The following ZFPM2 variants were observed in gnomAD, a reference collection of about 807,000 sequenced individuals.
ZFPM2 encodes zinc finger protein ZFPM2.
In ZFPM2, 20 loss-of-function variants were observed where a neutral mutation model predicts 98.6. That is an observed-to-expected ratio of 0.20 (90% CI 0.14 to 0.29). ZFPM2 has a LOEUF of 0.29. Among genes scored for constraint, ZFPM2 ranks in the 10% least tolerant of loss-of-function variants. The pLI, the probability that ZFPM2 is intolerant of heterozygous loss-of-function variation, is 1.00. For synonymous variants in ZFPM2, 518 were observed against 502.7 expected, an observed-to-expected ratio of 1.03 and a Z score of -0.41; for missense variants, 1,310 against 1,388.6, an observed-to-expected ratio of 0.94 and a Z score of 0.90.
chr8:105,337,242 T>TG (rs1270028927), intron 1 of ZFPM2, among the ~76,000 whole-genome samples: 1 of 151,684 alleles, frequency 6.6e-6, no homozygotes, highest in African/African-American at 2.4e-5. Flanking sequence ...AGTCAGAGAC[T>TG]GGGGGTGGGG....
chr8:105,672,663 T>A (rs1817617988), intron 5 of ZFPM2, among the ~76,000 whole-genome samples: 1 of 152,198 alleles, frequency 6.6e-6, no homozygotes, highest in Non-Finnish European at 1.5e-5. Context: ...CTTATTACAA[T>A]GGCTAGAATT....
chr8:105,393,372 T>G (rs149053950), intron 1 of ZFPM2, among the ~76,000 whole-genome samples: 2,289 of 112,840 alleles, frequency 0.02, 82 homozygotes, highest in African/African-American at 0.074. Flanking sequence ...CTTTCTTTCT[T>G]TCTTTCTTTC....
chr8:105,754,997 T>C (rs1454926590), intron 5 of ZFPM2, among the ~76,000 whole-genome samples: 3 of 151,828 alleles, frequency 2.0e-5, no homozygotes, highest in East Asian at 3.9e-4. Flanking sequence ...CGTGCGCATG[T>C]GCGCATGCGT....
At position 105,402,435 on chromosome 8, in the gene ZFPM2, T is replaced by C. The variant is rs117992835; in HGVS notation, c.41-16709T>C. ...TGTGGAAGACAGGAATCCTATTCAA[T>C]GGTATCTGAAAATATTGCCCAATTG... On this transcript the variant is annotated intron_variant, in intron 1 of 7. Coordinates refer to ENST00000407775, the MANE Select transcript of ZFPM2 (RefSeq NM_012082.4). 7.2e-5 allele frequency among the ~76,000 whole-genome samples: 11 copies of C among 152,146 alleles called. No individual in the cohort carries two copies. In the East Asian group the frequency reaches 2.1e-3, roughly 29 times the overall value.
intron 1 of ZFPM2, among the ~76,000 whole-genome samples, chr8:105,366,605 G>C (rs569782289): frequency 5.9e-5 from 9 of 151,400 alleles, no homozygotes; most frequent in African/African-American, 2.2e-4. Context: ...TGCCATGCTG[G>C]TGCGCTGCAC....
intron 5 of ZFPM2, among the ~76,000 whole-genome samples, chr8:105,729,749 C>A (rs1811888696): frequency 2.0e-5 from 3 of 151,580 alleles, no homozygotes; most frequent in African/African-American, 4.8e-5. Flanking sequence ...TATTAGGCAA[C>A]CTCATTTCCT....
chr8:105,713,343 A>G lies in ZFPM2; in HGVS notation c.533-75375A>G, dbSNP rs1387594771. Among the ~76,000 whole-genome samples the G allele has an allele frequency of 3.3e-5, 5 of 151,976 alleles. No individual in the cohort carries two copies. The East Asian group carries it at 7.7e-4, about 23-fold the overall frequency. On this transcript the variant is annotated intron_variant, in intron 5 of 7. Coordinates refer to ENST00000407775, the MANE Select transcript of ZFPM2 (RefSeq NM_012082.4). The stretch of plus-strand genomic sequence containing the variant: ...TTCTTCTTTTGAAGAGTATTTGTTC[A>G]TGTCCTTTGCCCACTTTTTAATAGG...
chr8:105,340,813 A>C (rs1812415080), intron 1 of ZFPM2, among the ~76,000 whole-genome samples: 1 of 152,004 alleles, frequency 6.6e-6, no homozygotes, highest in African/African-American at 2.4e-5. Flanking sequence ...ACAATAACTC[A>C]GTGAATGTGC....
intron 3 of ZFPM2, among the ~76,000 whole-genome samples, chr8:105,552,031 C>CTAAA (rs376535306): frequency 1.3e-5 from 2 of 152,204 alleles, no homozygotes; most frequent in East Asian, 3.9e-4. Flanking sequence ...TACGTGTTGA[C>CTAAA]TAAATAAATA....
intron 5 of ZFPM2, among the ~76,000 whole-genome samples, chr8:105,760,047 A>G (rs74582192): frequency 2.4e-4 from 36 of 152,140 alleles, no homozygotes; most frequent in African/African-American, 8.7e-4. Flanking sequence ...TCAGGGGCTT[A>G]TCCAAAGAGA....
At chr8:105,789,353 C>T (rs1388548960) in intron 6 of ZFPM2, among the ~76,000 whole-genome samples, 7 of 152,000 alleles carry the variant, frequency 4.6e-5, no homozygotes, top group South Asian at 2.1e-4. Flanking sequence ...TTTGTTCTTG[C>T]GATAGTTTAC....
chr8:105,668,114 A>C (rs922701877), intron 5 of ZFPM2, among the ~76,000 whole-genome samples: 1 of 152,200 alleles, frequency 6.6e-6, no homozygotes, highest in African/African-American at 2.4e-5. Context: ...CTTGGGCTTC[A>C]AGCCCTAGAC....
chr8:105,558,923 GA>G (rs1815064601), intron 3 of ZFPM2, among the ~76,000 whole-genome samples: 1 of 151,914 alleles, frequency 6.6e-6, no homozygotes, highest in East Asian at 1.9e-4. Flanking sequence ...AAGTATGGTT[GA>G]AAAAAATACT....
intron 1 of ZFPM2, among the ~76,000 whole-genome samples, chr8:105,416,863 G>A (rs1426160338): frequency 1.3e-5 from 2 of 152,078 alleles, no homozygotes; most frequent in Non-Finnish European, 2.9e-5. Context: ...TAGATCATAA[G>A]CATCTATGAA....
chr8:105,733,455 T>C (rs1811992579), intron 5 of ZFPM2, among the ~76,000 whole-genome samples: 1 of 151,922 alleles, frequency 6.6e-6, no homozygotes, highest in South Asian at 2.1e-4. Context: ...CCATAAAATT[T>C]GAATGTCTAC....
intron 1 of ZFPM2, among the ~76,000 whole-genome samples, chr8:105,383,870 A>T (rs61266665): frequency 0.084 from 12,778 of 152,202 alleles, 1,800 homozygotes; most frequent in African/African-American, 0.29. Context: ...AACTCATTTT[A>T]AAAAATCTGC....
intron 5 of ZFPM2, chr8:105,690,747 A>C (rs1358911095): frequency 6.6e-6 from 1 of 152,000 alleles, no homozygotes; most frequent in Non-Finnish European, 1.5e-5. Flanking sequence ...AAAAGCCCTA[A>C]GTATGGCCTC....
At chr8:105,415,758 TA>T (rs556931843) in intron 1 of ZFPM2, among the ~76,000 whole-genome samples, 173 of 152,252 alleles carry the variant, frequency 1.1e-3, no homozygotes, top group African/African-American at 4.0e-3. Flanking sequence ...TTATGCATTT[TA>T]AAAGAAACCT....
At chr8:105,446,757 G>T (rs967544033) in intron 3 of ZFPM2, among the ~76,000 whole-genome samples, 2 of 151,816 alleles carry the variant, frequency 1.3e-5, no homozygotes, top group Non-Finnish European at 2.9e-5. Flanking sequence ...TTTCTTCTTC[G>T]TCTATTATAA....
Sources: gnomAD v4.1 joint callset for allele counts (sites outside exome capture counted in the v4.1 genomes callset) on GRCh38, gnomAD v4.1.1 for gene constraint, MANE v1.5 for transcripts, NCBI Gene and HGNC (gene_info 2026-07-23, HGNC 2026-07-21) for gene names.